Variants in DAG1 observed in about 807,000 individuals in gnomAD.
DAG1 encodes dystroglycan 1, also known as dystroglycan 1 (dystrophin-associated glycoprotein 1).
DAG1 carries 8 observed loss-of-function variants against 46.1 expected under a neutral mutation model. The ratio of observed to expected loss-of-function variants is 0.17; its 90% CI spans 0.10 to 0.31. The LOEUF (loss-of-function observed/expected upper bound fraction) is 0.31. Ranked by LOEUF, DAG1 falls within the 10% of genes least tolerant of loss-of-function variation. The pLI is 1.00. For synonymous variants in DAG1, 495 were observed against 481.8 expected (o/e 1.03, Z -0.36); for missense variants, 1,003 against 1,189.9 (o/e 0.84, Z 2.31).
intron 2 of DAG1, among the ~76,000 whole-genome samples, chr3:49,529,340 C>T (rs1358664513): frequency 1.3e-5 from 2 of 152,188 alleles, no homozygotes; most frequent in Admixed American, 6.5e-5. Flanking sequence ...CCAGCTTTCT[C>T]ATACATTTTT....
chr3:49,494,231 A>C lies in DAG1; in HGVS notation c.-116-16188A>C, dbSNP rs10461020. ...GTGGCTAAAAGCAAGTCACCACTTT[A>C]AACACTGAAGATTGAAGCATTTGCC... On this transcript the variant is annotated intron_variant, in intron 1 of 2. Transcript: ENST00000308775. Among the ~76,000 whole-genome samples, 3 of 152,346 alleles carry C rather than the reference A, an allele frequency of 2.0e-5. No individual in the cohort carries two copies. The East Asian group carries it at 5.8e-4, about 29-fold the overall frequency.
chr3:49,531,767 C>T lies in DAG1; in HGVS notation c.1256C>T (p.Pro419Leu). The T allele has an allele frequency of 1.2e-6, 2 of 1,614,070 alleles. No homozygotes were observed. Among genetic ancestry groups the T allele is most frequent in the Non-Finnish European group, 1.7e-6 (2 of 1,180,004 alleles). The change falls in exon 3 of 3, where the codon CCT becomes CTT. Residue 419 changes from proline (P) to leucine (L), a missense_variant. Coordinates refer to ENST00000308775, the MANE Select transcript of DAG1 (RefSeq NM_004393.6). This position sits in a 1 kb window ranked among gnomAD's most constrained non-coding sequence, Gnocchi z 7.0. ...GTGGAGCCTACTGCAGTTGCTACCC[C>T]TCCCACAACCACCACCAAGAAGCCA... is the stretch of plus-strand genomic sequence containing the variant. ...GYVEPTAVATPPTTTTKKPRV... is the reference protein window; with the variant it reads ...GYVEPTAVATLPTTTTKKPRV...
At chr3:49,521,538 C>G (rs1321746872) in intron 2 of DAG1, among the ~76,000 whole-genome samples, 1 of 152,124 alleles carries the variant, frequency 6.6e-6, no homozygotes, top group Non-Finnish European at 1.5e-5. Context: ...TAGCTCACTG[C>G]AGCCTTGACT....
chr3:49,518,296 G>A (rs1447309130), intron 2 of DAG1, among the ~76,000 whole-genome samples: 5 of 152,128 alleles, frequency 3.3e-5, no homozygotes, highest in South Asian at 2.1e-4. Context: ...GGGGGTTGAC[G>A]GTAGAATAAT....
At chr3:49,510,214 G>A in intron 1 of DAG1, 2 of 501,104 alleles carry the variant, frequency 4.0e-6, no homozygotes, top group Non-Finnish European at 3.5e-6. Context: ...TCAAAATCCA[G>A]TGTATATTTT....
chr3:49,512,685 A>C (rs1403585392), intron 2 of DAG1, among the ~76,000 whole-genome samples: 4 of 145,356 alleles, frequency 2.8e-5, no homozygotes, highest in African/African-American at 1.0e-4. Flanking sequence ...ATTTTTTTTT[A>C]GTTTGGGCGT....
chr3:49,492,853 T>C (rs2107363303), intron 1 of DAG1: 1 of 152,122 alleles, frequency 6.6e-6, no homozygotes, highest in African/African-American at 2.4e-5. Flanking sequence ...ATTTCCAGGT[T>C]GGGCTACTCA....
chr3:49,494,639 T>A (rs1330513798), intron 1 of DAG1, among the ~76,000 whole-genome samples: 1 of 144,822 alleles, frequency 6.9e-6, no homozygotes, highest in Non-Finnish European at 1.5e-5. Flanking sequence ...ATTATTATTA[T>A]TTTTTTTTTT....
At chr3:49,524,777 G>A (rs567483837) in intron 2 of DAG1, among the ~76,000 whole-genome samples, 2 of 152,224 alleles carry the variant, frequency 1.3e-5, no homozygotes, top group East Asian at 3.9e-4. Context: ...GAGCCCAGAA[G>A]TTTAAAGCCA....
intron 1 of DAG1, among the ~76,000 whole-genome samples, chr3:49,479,551 G>A (rs985707582): frequency 2.0e-5 from 3 of 149,086 alleles, no homozygotes; most frequent in African/African-American, 5.0e-5. Flanking sequence ...AGGTGATCCC[G>A]TCCGTCTTGA....
At chr3:49,511,149 C>T (rs911671396) in intron 2 of DAG1, among the ~76,000 whole-genome samples, 1 of 152,092 alleles carries the variant, frequency 6.6e-6, no homozygotes, top group Admixed American at 6.5e-5. Context: ...CAGAGTTAAA[C>T]CCCAAAAAAT....
At chr3:49,529,062 GC>G (rs1403282002) in intron 2 of DAG1, among the ~76,000 whole-genome samples, 1 of 152,102 alleles carries the variant, frequency 6.6e-6, no homozygotes, top group Admixed American at 6.5e-5. Flanking sequence ...TGTTGGCCAG[GC>G]TGGTCTCGAA....
chr3:49,518,390 C>T (rs1276668497), intron 2 of DAG1, among the ~76,000 whole-genome samples: 1 of 152,142 alleles, frequency 6.6e-6, no homozygotes, highest in Non-Finnish European at 1.5e-5. Flanking sequence ...GTGTTGACTG[C>T]CTGAAAAGCC....
intron 2 of DAG1, among the ~76,000 whole-genome samples, chr3:49,527,800 G>A (rs1414283146): frequency 3.9e-5 from 6 of 152,196 alleles, no homozygotes; most frequent in Non-Finnish European, 7.3e-5. Context: ...ACTCAGGAAT[G>A]TCCCATGGTT....
At chr3:49,473,927 A>T (rs1351181252) in intron 1 of DAG1, among the ~76,000 whole-genome samples, 1 of 148,008 alleles carries the variant, frequency 6.8e-6, no homozygotes, top group Non-Finnish European at 1.5e-5. Flanking sequence ...TCTGTTATCC[A>T]GGCTGGAGTG....
At chr3:49,510,341 C>T (rs1359420069) in intron 1 of DAG1, 78 bp from the exon 2 acceptor site, 1 of 623,676 alleles carries the variant, frequency 1.6e-6, no homozygotes, top group Non-Finnish European at 2.8e-6. Flanking sequence ...ATGTTTTTGA[C>T]AGTAACTCCT....
At position 49,533,202 on chromosome 3, in the gene DAG1, C is replaced by A. The variant is rs368792500; in HGVS notation, c.*3C>A. On this transcript the variant is annotated 3_prime_UTR_variant, in exon 3 of 3. Coordinates refer to ENST00000308775, the MANE Select transcript of DAG1 (RefSeq NM_004393.6). ...CTCCTCCCTATGTCCCACCTTAACC[C>A]GCAAGCGCCTGGGTGGAGGCAGGGT... The A allele has an allele frequency of 6.2e-7, 1 of 1,611,670 alleles. No homozygotes were observed. Among genetic ancestry groups the A allele is most frequent in the Non-Finnish European group, 8.5e-7 (1 of 1,179,974 alleles).
In DAG1 at chr3:49,496,488, G is replaced by C. The variant is rs187127404; in HGVS notation, c.-116-13931G>C. Among the ~76,000 whole-genome samples, 415 of 151,036 alleles carry C rather than the reference G, an allele frequency of 2.7e-3. 3 individuals are homozygous for C. Among genetic ancestry groups the C allele is most frequent in the African/African-American group, 9.4e-3 (385 of 41,124 alleles). On this transcript the variant is annotated intron_variant, in intron 1 of 2. Coordinates refer to ENST00000308775, the MANE Select transcript of DAG1 (RefSeq NM_004393.6). ...TTCTGCTGCCTTAGCCTCCTGAGTA[G>C]CTGGGATTACAGGCGTGTGCCACTG...
chr3:49,504,287 A>G (rs1023807462), intron 1 of DAG1, among the ~76,000 whole-genome samples: 3 of 151,840 alleles, frequency 2.0e-5, no homozygotes, highest in African/African-American at 7.3e-5. Context: ...TCACTTAGCA[A>G]GATTGCTTGG....
Sources: gnomAD v4.1 joint callset for allele counts (sites outside exome capture counted in the v4.1 genomes callset) on GRCh38, gnomAD v4.1.1 for gene constraint, Gnocchi (gnomAD v3.1) non-coding constraint, MANE v1.5 for transcripts, NCBI Gene and HGNC (gene_info 2026-07-23, HGNC 2026-07-21) for gene names.